CCSER1: variants seen among roughly 807,000 people sequenced by gnomAD.
CCSER1 encodes the protein coiled-coil serine rich protein 1.
A neutral mutation model predicts 82.0 loss-of-function variants in CCSER1; 41 were observed. The observed-to-expected ratio is 0.50, with a 90% CI of 0.39 to 0.65. The LOEUF (loss-of-function observed/expected upper bound fraction) is 0.65. Ranked by LOEUF, CCSER1 falls within the 30% of genes least tolerant of loss-of-function variation. CCSER1 has a pLI of 0.00. For synonymous variants in CCSER1, 414 were observed against 383.9 expected, an observed-to-expected ratio of 1.08 and a Z score of -0.92; for missense variants, 1,119 against 1,064.2, an observed-to-expected ratio of 1.05 and a Z score of -0.72.
chr4:90,409,374 CAG>C (rs1754300254), intron 4 of CCSER1, among the ~76,000 whole-genome samples: 1 of 152,134 alleles, frequency 6.6e-6, no homozygotes, highest in Non-Finnish European at 1.5e-5. Flanking sequence ...TAAGGGCAGC[CAG>C]AGAGAAAGGT....
chr4:90,445,608 G>T (rs1760540119), intron 4 of CCSER1, among the ~76,000 whole-genome samples: 1 of 152,060 alleles, frequency 6.6e-6, no homozygotes, highest in African/African-American at 2.4e-5. Context: ...CCATTCTTAA[G>T]AATTTAAAAA....
At chr4:90,483,343 C>T (rs1392720279) in intron 5 of CCSER1, among the ~76,000 whole-genome samples, 1 of 152,166 alleles carries the variant, frequency 6.6e-6, no homozygotes, top group Non-Finnish European at 1.5e-5. Context: ...CAGTCTGTGT[C>T]TTTTCATTGG....
Position 90,510,234 on chromosome 4 carries a change from T to C in CCSER1, c.1724+41880T>C, listed in dbSNP as rs148542495. Among the ~76,000 whole-genome samples, 11 of 152,288 alleles carry C rather than the reference T, an allele frequency of 7.2e-5. No homozygotes were observed. The East Asian group carries it at 1.3e-3, about 19-fold the overall frequency. On this transcript the variant is annotated intron_variant, in intron 5 of 10. Coordinates refer to ENST00000509176, the MANE Select transcript of CCSER1 (RefSeq NM_001145065.2). ...TTTTAAAACTCTATTCTTTTAGGTA[T>C]TTATTGCTTTTTAACCTTCGCTGAA...
intron 10 of CCSER1, among the ~76,000 whole-genome samples, chr4:91,168,318 C>T (rs1732369881): frequency 6.8e-6 from 1 of 146,920 alleles, no homozygotes; most frequent in South Asian, 2.2e-4. Flanking sequence ...AGGAGCGCCT[C>T]TGCCCGGCCA....
intron 10 of CCSER1, among the ~76,000 whole-genome samples, chr4:91,539,586 T>C (rs532545968): frequency 6.6e-6 from 1 of 152,112 alleles, no homozygotes; most frequent in Non-Finnish European, 1.5e-5. Context: ...AGTGGTTTCC[T>C]AAATCAGCAT....
intron 1 of CCSER1, among the ~76,000 whole-genome samples, chr4:90,148,889 GTC>G (rs1375275280): frequency 1.3e-5 from 2 of 152,090 alleles, no homozygotes; most frequent in Non-Finnish European, 2.9e-5. Context: ...TTGGAATACT[GTC>G]TTTTAACCTC....
chr4:90,203,049 A>G (rs537675434), intron 1 of CCSER1, among the ~76,000 whole-genome samples: 1 of 152,362 alleles, frequency 6.6e-6, no homozygotes, highest in African/African-American at 2.4e-5. Context: ...ATAATTACTT[A>G]ACACTCACAA....
intron 1 of CCSER1, among the ~76,000 whole-genome samples, chr4:90,158,438 G>T (rs1728749212): frequency 6.6e-6 from 1 of 152,224 alleles, no homozygotes; most frequent in Admixed American, 6.5e-5. Flanking sequence ...AGTCTGCAGA[G>T]GTTACTGCTG....
At chr4:90,848,792 G>A (rs188651808) in intron 8 of CCSER1, among the ~76,000 whole-genome samples, 2 of 152,270 alleles carry the variant, frequency 1.3e-5, no homozygotes, top group Admixed American at 6.5e-5. Flanking sequence ...TGCTGTTCTC[G>A]TGTTAGTGAG....
chr4:91,510,220 G>A (rs1189907070), intron 10 of CCSER1, among the ~76,000 whole-genome samples: 4 of 152,174 alleles, frequency 2.6e-5, no homozygotes, highest in African/African-American at 9.7e-5. Flanking sequence ...ATTCCATGGT[G>A]TATATGTGTT....
At chr4:90,872,457 AAAC>A (rs911921155) in intron 8 of CCSER1, among the ~76,000 whole-genome samples, 2 of 152,008 alleles carry the variant, frequency 1.3e-5, no homozygotes, top group African/African-American at 4.8e-5. Flanking sequence ...CTGATTGCAT[AAAC>A]AACAAAAATA....
chr4:90,205,660 T>G (rs1412853765), intron 1 of CCSER1, among the ~76,000 whole-genome samples: 1 of 152,204 alleles, frequency 6.6e-6, no homozygotes, highest in Non-Finnish European at 1.5e-5. Context: ...GAAATTTTCT[T>G]TTTTTGTTGT....
intron 5 of CCSER1, among the ~76,000 whole-genome samples, chr4:90,576,318 C>T (rs1389543707): frequency 1.6e-4 from 24 of 152,258 alleles, no homozygotes; most frequent in Non-Finnish European, 2.9e-4. Flanking sequence ...TCTCCCACTA[C>T]CAACATCTGG....
chr4:90,436,535 A>G (rs1759013168), intron 4 of CCSER1, among the ~76,000 whole-genome samples: 3 of 152,200 alleles, frequency 2.0e-5, no homozygotes, highest in African/African-American at 4.8e-5. Flanking sequence ...GAAATTAAAA[A>G]TCATCTAAAT....
intron 6 of CCSER1, among the ~76,000 whole-genome samples, chr4:90,706,696 A>AGC (rs1739422176): frequency 6.6e-6 from 1 of 152,204 alleles, no homozygotes; most frequent in Admixed American, 6.5e-5. Flanking sequence ...AGTTTAGAAC[A>AGC]TATGCTATAC....
intron 1 of CCSER1, among the ~76,000 whole-genome samples, chr4:90,149,518 C>T (rs893773474): frequency 6.6e-6 from 1 of 152,118 alleles, no homozygotes; most frequent in Non-Finnish European, 1.5e-5. Context: ...GTGGACTAGT[C>T]TGAGATTTCT....
chr4:90,492,286 T>A (rs1299030123), intron 5 of CCSER1, among the ~76,000 whole-genome samples: 1 of 152,176 alleles, frequency 6.6e-6, no homozygotes, highest in Non-Finnish European at 1.5e-5. Flanking sequence ...TTTTTCTAGA[T>A]TTTCTAGTTG....
chr4:90,610,987 C>G (rs1194881672), intron 5 of CCSER1, among the ~76,000 whole-genome samples: 1 of 151,888 alleles, frequency 6.6e-6, no homozygotes, highest in South Asian at 2.1e-4. Context: ...AAGCAATTCT[C>G]CTGCCTCAGC....
chr4:90,189,660 T>C (rs1377275820), intron 1 of CCSER1, among the ~76,000 whole-genome samples: 1 of 152,002 alleles, frequency 6.6e-6, no homozygotes, highest in Non-Finnish European at 1.5e-5. Flanking sequence ...GTGTTTTTTC[T>C]ACCTTTCTCT....
Sources: allele counts gnomAD v4.1 joint callset (sites outside exome capture counted in the v4.1 genomes callset), GRCh38; gene constraint gnomAD v4.1.1; transcripts MANE v1.5; gene names NCBI Gene and HGNC (gene_info 2026-07-23, HGNC 2026-07-21).